Variants in NPFFR2 observed in about 807,000 individuals in gnomAD.
NPFFR2 encodes the protein neuropeptide FF receptor 2, also known as G-protein coupled receptor 74.
A neutral mutation model predicts 13.1 loss-of-function variants in NPFFR2; 15 were observed. The observed-to-expected ratio is 1.15, with a 90% confidence interval of 0.77 to 1.76. The LOEUF is 1.76. Ranked by LOEUF, NPFFR2 falls within the 40% of genes most tolerant of loss-of-function variation. The pLI is 0.00. For missense variants in NPFFR2, 572 were observed against 503.5 expected, an observed-to-expected ratio of 1.14 and a Z score of -1.30; for synonymous variants, 190 against 175.7, an observed-to-expected ratio of 1.08 and a Z score of -0.65.
chr4:72,054,538 A>G (rs1719686769), intron 1 of NPFFR2, among the ~76,000 whole-genome samples: 1 of 152,082 alleles, frequency 6.6e-6, no homozygotes, highest in African/African-American at 2.4e-5. Flanking sequence ...TATAAAAATC[A>G]TAAGAGAAAA....
chr4:72,068,557 G>GC (rs1264608201), intron 1 of NPFFR2, among the ~76,000 whole-genome samples: 1 of 152,166 alleles, frequency 6.6e-6, no homozygotes, highest in Non-Finnish European at 1.5e-5. Context: ...TGAGAGCAGG[G>GC]CCCTCTCTGT....
At chr4:72,079,717 C>A (rs2109791694) in intron 1 of NPFFR2, among the ~76,000 whole-genome samples, 1 of 152,208 alleles carries the variant, frequency 6.6e-6, no homozygotes, top group East Asian at 1.9e-4. Flanking sequence ...ATCTGATAAA[C>A]AACTTGTATT....
At chr4:72,101,795 T>C (rs569921153) in intron 1 of NPFFR2, among the ~76,000 whole-genome samples, 4 of 152,030 alleles carry the variant, frequency 2.6e-5, no homozygotes, top group Non-Finnish European at 4.4e-5. Flanking sequence ...AGTGTTGCCT[T>C]TGAGGAGAAT....
At chr4:72,112,863 A>G (rs1395252505) in intron 1 of NPFFR2, among the ~76,000 whole-genome samples, 1 of 151,926 alleles carries the variant, frequency 6.6e-6, no homozygotes, top group Non-Finnish European at 1.5e-5. Flanking sequence ...CTATGCTTCT[A>G]CTTTTACCGG....
intron 1 of NPFFR2, among the ~76,000 whole-genome samples, chr4:72,114,955 AATC>A: frequency 6.6e-6 from 1 of 152,150 alleles, no homozygotes; most frequent in Non-Finnish European, 1.5e-5. Flanking sequence ...GAACAGTGAT[AATC>A]ATAGTATTTT....
intron 1 of NPFFR2, among the ~76,000 whole-genome samples, chr4:72,064,764 C>T (rs1720017827): frequency 6.6e-6 from 1 of 152,104 alleles, no homozygotes; most frequent in African/African-American, 2.4e-5. Flanking sequence ...TGATAGGGAA[C>T]ATTTTAGTGT....
chr4:72,073,066 A>G (rs1720309307), intron 1 of NPFFR2, among the ~76,000 whole-genome samples: 1 of 152,110 alleles, frequency 6.6e-6, no homozygotes, highest in Non-Finnish European at 1.5e-5. Flanking sequence ...GCCATCTACA[A>G]GAGACTCATT....
chr4:72,076,552 C>G (rs183709496), intron 1 of NPFFR2, among the ~76,000 whole-genome samples: 10 of 152,222 alleles, frequency 6.6e-5, no homozygotes, highest in Admixed American at 2.0e-4. Flanking sequence ...TTTTGACCAT[C>G]AGCAAATGAT....
At chr4:72,083,724 A>G (rs1292170585) in intron 1 of NPFFR2, among the ~76,000 whole-genome samples, 3 of 152,126 alleles carry the variant, frequency 2.0e-5, no homozygotes, top group Non-Finnish European at 2.9e-5. Flanking sequence ...TACCATCAAT[A>G]TGCTAATAAT....
chr4:72,046,728 A>T (rs1299104519), intron 1 of NPFFR2, among the ~76,000 whole-genome samples: 1 of 152,222 alleles, frequency 6.6e-6, no homozygotes, highest in Non-Finnish European at 1.5e-5. Flanking sequence ...ATTGCTGTGA[A>T]TGTAGCATTA....
In NPFFR2 at chr4:72,097,446, T is replaced by A. The variant is rs559388263; in HGVS notation, c.-7-31139T>A. 1.4e-4 allele frequency among the ~76,000 whole-genome samples: 21 copies of A among 152,268 alleles called. No individual in the cohort carries two copies. The East Asian group carries it at 3.7e-3, about 27-fold the overall frequency. Reference sequence around the variant, plus strand: ...CTTTTCCTCTCTCAATTCTAATCTATTGTGACCAGCTCATAAGGTAACCAA... The same window carrying A: ...CTTTTCCTCTCTCAATTCTAATCTAATGTGACCAGCTCATAAGGTAACCAA... On this transcript the variant is annotated intron_variant, in intron 1 of 3. Coordinates refer to ENST00000308744, the MANE Select transcript of NPFFR2 (RefSeq NM_004885.3).
intron 1 of NPFFR2, among the ~76,000 whole-genome samples, chr4:72,081,531 CAG>C (rs1430286099): frequency 6.6e-6 from 1 of 151,310 alleles, no homozygotes; most frequent in Non-Finnish European, 1.5e-5. Flanking sequence ...CTCTGTCACC[CAG>C]GCTGGAATGC....
chr4:72,061,867 G>A (rs938951101), intron 1 of NPFFR2, among the ~76,000 whole-genome samples: 1 of 152,010 alleles, frequency 6.6e-6, no homozygotes, highest in African/African-American at 2.4e-5. Flanking sequence ...TGGGTTGATA[G>A]GTGCAGCGAC....
intron 1 of NPFFR2, among the ~76,000 whole-genome samples, chr4:72,071,362 G>A (rs937808300): frequency 2.6e-5 from 4 of 152,130 alleles, no homozygotes; most frequent in African/African-American, 7.2e-5. Flanking sequence ...AGTATTAAGT[G>A]AGATTTTGTT....
intron 1 of NPFFR2, among the ~76,000 whole-genome samples, chr4:72,089,458 C>A (rs1228969449): frequency 1.3e-5 from 2 of 152,124 alleles, no homozygotes; most frequent in African/African-American, 4.8e-5. Context: ...TTAAAGTGTT[C>A]CCTTTTCATC....
intron 1 of NPFFR2, among the ~76,000 whole-genome samples, chr4:72,047,125 A>G (rs936914877): frequency 3.9e-5 from 6 of 152,152 alleles, no homozygotes; most frequent in Non-Finnish European, 7.3e-5. Flanking sequence ...ATAATAAAAT[A>G]AGAAACAGAG....
chr4:72,034,157 T>C (rs1181646525), intron 1 of NPFFR2, among the ~76,000 whole-genome samples: 2 of 152,224 alleles, frequency 1.3e-5, no homozygotes, highest in Admixed American at 1.3e-4. Context: ...ACTTCAAAAC[T>C]GTCAAGCACA....
chr4:72,138,912 C>T (rs1722507270), intron 3 of NPFFR2, among the ~76,000 whole-genome samples: 1 of 152,204 alleles, frequency 6.6e-6, no homozygotes, highest in African/African-American at 2.4e-5. Flanking sequence ...TGCACACCCT[C>T]TCCAGCATCT....
At chr4:72,101,943 A>C (rs1410507401) in intron 1 of NPFFR2, among the ~76,000 whole-genome samples, 2 of 152,152 alleles carry the variant, frequency 1.3e-5, no homozygotes, top group Non-Finnish European at 1.5e-5. Context: ...AAAAAAGGTT[A>C]GAATAGACTA....
Sources: gnomAD v4.1 joint callset for allele counts (sites outside exome capture counted in the v4.1 genomes callset) on GRCh38, gnomAD v4.1.1 for gene constraint, MANE v1.5 for transcripts, NCBI Gene and HGNC (gene_info 2026-07-23, HGNC 2026-07-21) for gene names.